TENM3: variants seen among roughly 807,000 people sequenced by gnomAD.
TENM3 encodes teneurin transmembrane protein 3.
In TENM3, 63 loss-of-function variants were observed where a neutral mutation model predicts 255.1. The ratio of observed to expected loss-of-function variants is 0.25; its 90% CI spans 0.20 to 0.30. The LOEUF is 0.30. Ranked by LOEUF, TENM3 falls within the 10% of genes least tolerant of loss-of-function variation. TENM3 has a pLI of 1.00. For synonymous variants in TENM3, 1,306 were observed against 1,322.3 expected (o/e 0.99, Z 0.27); for missense variants, 2,929 against 3,461.1 (o/e 0.85, Z 3.86).
At chr4:181,856,971 A>T in the TENM3 span, among the ~76,000 whole-genome samples, 4 of 152,206 alleles carry the variant, frequency 2.6e-5, no homozygotes, top group Non-Finnish European at 5.9e-5. Context: ...TTTGACAGAT[A>T]GTTATTGACC....
chr4:182,777,855 T>TTATATA (rs112092768), intron 24 of TENM3, among the ~76,000 whole-genome samples: 6 of 144,862 alleles, frequency 4.1e-5, no homozygotes, highest in East Asian at 2.0e-4. Context: ...ATATATGCTG[T>TTATATA]TATATATATA....
At chr4:182,487,885 G>A (rs1734912154) in intron 3 of TENM3, among the ~76,000 whole-genome samples, 1 of 152,088 alleles carries the variant, frequency 6.6e-6, no homozygotes, top group Non-Finnish European at 1.5e-5. Context: ...TTTTTGTAGT[G>A]CAAACAGAGC....
the TENM3 span, among the ~76,000 whole-genome samples, chr4:182,128,034 T>C: frequency 0.01 from 1,536 of 152,176 alleles, 19 homozygotes; most frequent in African/African-American, 0.035. Context: ...GTTTAATAGG[T>C]TTGTTTAGTA....
intron 3 of TENM3, among the ~76,000 whole-genome samples, chr4:182,439,552 A>G (rs948570612): frequency 6.6e-6 from 1 of 152,266 alleles, no homozygotes; most frequent in Non-Finnish European, 1.5e-5. Context: ...TTTCAGGCAC[A>G]TAATAGGCAT....
At chr4:181,527,241 C>A in the TENM3 span, among the ~76,000 whole-genome samples, 30,717 of 152,150 alleles carry the variant, frequency 0.2, 4,034 homozygotes, top group Non-Finnish European at 0.3. Context: ...TTTAATTAGA[C>A]TATTTTTAAT....
At chr4:181,801,693 T>TATAC in the TENM3 span, among the ~76,000 whole-genome samples, 2 of 123,494 alleles carry the variant, frequency 1.6e-5, no homozygotes, top group Non-Finnish European at 3.5e-5. Flanking sequence ...TATATATATA[T>TATAC]ATATGCAACA....
At position 182,751,891 on chromosome 4, in the gene TENM3, C is replaced by T; in HGVS notation, c.3721C>T (p.Pro1241Ser). Reference protein sequence around the residue: ...SDTNTRRIYRPKSLTGAKDLT... With the variant: ...SDTNTRRIYRSKSLTGAKDLT... ...CACAAACACCCGCAGAATTTATCGC[C>T]CAAAGTCACTTACGGGGGCAAAAGA... The change falls in exon 20 of 28, where the codon CCA becomes TCA. Residue 1241 changes from proline to serine, a missense_variant. Coordinates refer to ENST00000511685, the MANE Select transcript of TENM3 (RefSeq NM_001080477.4). 2 of 1,613,710 alleles carry T rather than the reference C, an allele frequency of 1.2e-6. No homozygotes were observed. The highest frequency in any genetic ancestry group is 1.7e-6 in the Non-Finnish European group (2 of 1,179,850).
At chr4:182,342,036 T>C (rs1228823173) in intron 2 of TENM3, among the ~76,000 whole-genome samples, 2 of 152,190 alleles carry the variant, frequency 1.3e-5, no homozygotes, top group East Asian at 3.9e-4. Context: ...ACACTGCTAG[T>C]GGGAATATAA....
chr4:181,929,149 C>A, the TENM3 span, among the ~76,000 whole-genome samples: 1 of 152,090 alleles, frequency 6.6e-6, no homozygotes, highest in African/African-American at 2.4e-5. Flanking sequence ...GCTAGCATCA[C>A]AATGACAGGA....
At chr4:182,032,125 G>C in the TENM3 span, among the ~76,000 whole-genome samples, 2 of 152,090 alleles carry the variant, frequency 1.3e-5, no homozygotes, top group Non-Finnish European at 2.9e-5. Context: ...TCCTTGTCTT[G>C]TCCCAGTTTT....
At chr4:181,684,275 A>T in the TENM3 span, among the ~76,000 whole-genome samples, 2 of 152,136 alleles carry the variant, frequency 1.3e-5, no homozygotes, top group Admixed American at 1.3e-4. Flanking sequence ...ATTTTTTACC[A>T]ATCATTTTAC....
chr4:182,465,546 T>C (rs1732505820), intron 3 of TENM3, among the ~76,000 whole-genome samples: 1 of 152,036 alleles, frequency 6.6e-6, no homozygotes. Flanking sequence ...GTTTATGGAA[T>C]TTTTTTTATA....
At chr4:181,914,481 C>T in the TENM3 span, among the ~76,000 whole-genome samples, 7 of 152,184 alleles carry the variant, frequency 4.6e-5, no homozygotes, top group East Asian at 5.8e-4. Context: ...GTTTATATAT[C>T]GTGTCTCTCC....
chr4:182,541,007 A>G (rs918341166), intron 3 of TENM3, among the ~76,000 whole-genome samples: 1 of 152,176 alleles, frequency 6.6e-6, no homozygotes. Flanking sequence ...AGTTTTAAAC[A>G]CTTTCATTAT....
At chr4:181,646,598 A>G in the TENM3 span, among the ~76,000 whole-genome samples, 1 of 152,150 alleles carries the variant, frequency 6.6e-6, no homozygotes, top group African/African-American at 2.4e-5. Flanking sequence ...TCATTCTTCT[A>G]AAGACTCAAG....
chr4:182,124,126 A>G, the TENM3 span, among the ~76,000 whole-genome samples: 3 of 152,154 alleles, frequency 2.0e-5, no homozygotes, highest in South Asian at 2.1e-4. Context: ...ATCTCGGTGC[A>G]CTGCAACCTC....
At chr4:182,186,547 T>C (rs1034975963) in intron 1 of TENM3, among the ~76,000 whole-genome samples, 3 of 151,078 alleles carry the variant, frequency 2.0e-5, no homozygotes, top group African/African-American at 7.3e-5. Flanking sequence ...TTCTTACATT[T>C]ATTACATGTT....
At chr4:182,089,031 C>T in the TENM3 span, among the ~76,000 whole-genome samples, 3 of 152,130 alleles carry the variant, frequency 2.0e-5, no homozygotes, top group Non-Finnish European at 2.9e-5. Context: ...AAATTAGTCC[C>T]TCAACCCTTC....
chr4:182,523,747 A>G (rs1738822319), intron 3 of TENM3, among the ~76,000 whole-genome samples: 1 of 152,166 alleles, frequency 6.6e-6, no homozygotes, highest in African/African-American at 2.4e-5. Flanking sequence ...TTTTCTACAT[A>G]TATATCACTT....
Sources: allele counts gnomAD v4.1 joint callset (sites outside exome capture counted in the v4.1 genomes callset), GRCh38; gene constraint gnomAD v4.1.1; transcripts MANE v1.5; gene names NCBI Gene and HGNC (gene_info 2026-07-23, HGNC 2026-07-21).